The following DRD2 variants were observed in gnomAD, a reference collection of about 807,000 sequenced individuals.
DRD2 encodes the protein dopamine receptor D2.
A neutral mutation model predicts 38.0 loss-of-function variants in DRD2; 8 were observed. The ratio of observed to expected loss-of-function variants is 0.21; its 90% confidence interval spans 0.12 to 0.38. The LOEUF is 0.38. Among genes scored for constraint, DRD2 ranks in the 10% least tolerant of loss-of-function variants. The pLI is 1.00. For missense variants in DRD2, 403 were observed against 607.7 expected, an observed-to-expected ratio of 0.66 and a Z score of 3.54; for synonymous variants, 230 against 238.6, an observed-to-expected ratio of 0.96 and a Z score of 0.33.
intron 7 of DRD2, chr11:113,412,226 A>G: frequency 2.4e-6 from 1 of 411,178 alleles, no homozygotes; most frequent in Non-Finnish European, 4.5e-6. Flanking sequence ...AGAGAGAGAA[A>G]GTGACTTTCC....
intron 1 of DRD2, among the ~76,000 whole-genome samples, chr11:113,436,632 A>G (rs1004275623): frequency 3.3e-5 from 5 of 152,230 alleles, no homozygotes; most frequent in African/African-American, 1.2e-4. Context: ...GGGTAGAAGC[A>G]TAGATGGAAG....
At chr11:113,464,639 G>A (rs567359956) in intron 1 of DRD2, among the ~76,000 whole-genome samples, 29 of 152,274 alleles carry the variant, frequency 1.9e-4, no homozygotes, top group African/African-American at 6.0e-4. Context: ...CACTGACATC[G>A]CCAGGGGTGT....
At chr11:113,411,160 A>G (rs1203626191) in intron 7 of DRD2, among the ~76,000 whole-genome samples, 1 of 151,678 alleles carries the variant, frequency 6.6e-6, no homozygotes, top group Non-Finnish European at 1.5e-5. Flanking sequence ...CTCCTAGAAA[A>G]GGGTACATGG....
At chr11:113,456,857 T>C (rs1432185178) in intron 1 of DRD2, among the ~76,000 whole-genome samples, 1 of 152,210 alleles carries the variant, frequency 6.6e-6, no homozygotes, top group Admixed American at 6.5e-5. Context: ...ATTATCAAAC[T>C]GTACACGTCA....
chr11:113,466,401 C>G (rs1459112315), intron 1 of DRD2, among the ~76,000 whole-genome samples: 1 of 149,054 alleles, frequency 6.7e-6, no homozygotes, highest in Non-Finnish European at 1.5e-5. Context: ...TGAACAAACA[C>G]ACCTGTGTAT....
At chr11:113,417,104 GAC>G (rs1950835148) in intron 3 of DRD2, 105 bp from the exon 4 acceptor site, 1 of 1,474,468 alleles carries the variant, frequency 6.8e-7, no homozygotes, top group African/African-American at 1.4e-5. Flanking sequence ...CTAAACAGTT[GAC>G]ACACCTCTAT....
chr11:113,460,638 T>C (rs948272116), intron 1 of DRD2, among the ~76,000 whole-genome samples: 1 of 152,222 alleles, frequency 6.6e-6, no homozygotes, highest in Non-Finnish European at 1.5e-5. Flanking sequence ...CAGAGGCACA[T>C]GGACACTGCT....
intron 1 of DRD2, among the ~76,000 whole-genome samples, chr11:113,452,133 G>GTACT (rs1951215415): frequency 6.6e-6 from 1 of 152,072 alleles, no homozygotes; most frequent in Non-Finnish European, 1.5e-5. Flanking sequence ...TGTGGTTGTA[G>GTACT]TACTTACTGC....
chr11:113,438,170 G>T (rs1227003058), intron 1 of DRD2, among the ~76,000 whole-genome samples: 3 of 152,094 alleles, frequency 2.0e-5, no homozygotes, highest in Non-Finnish European at 2.9e-5. Context: ...TGAAGAAGGT[G>T]TGTCAATGCG....
In DRD2 at chr11:113,425,841, A is replaced by C. The variant is rs139759642; in HGVS notation, c.-31-1159T>G. On this transcript the variant is annotated intron_variant, in intron 1 of 7. Transcript: ENST00000362072. ...CAGACAGACAATATGACATGGTATCAAATCATCAAACAGCAAACAATTCTG... is the reference window on the plus strand; with the variant it reads ...CAGACAGACAATATGACATGGTATCCAATCATCAAACAGCAAACAATTCTG... Among the ~76,000 whole-genome samples, 463 of 152,328 alleles carry C rather than the reference A, an allele frequency of 3.0e-3. 1 individual carries two copies. Among genetic ancestry groups the C allele is most frequent in the African/African-American group, 1.0e-2 (415 of 41,574 alleles).
At chr11:113,468,539 TTTTG>T (rs780064307) in intron 1 of DRD2, among the ~76,000 whole-genome samples, 17 of 151,996 alleles carry the variant, frequency 1.1e-4, no homozygotes, top group African/African-American at 3.6e-4. Context: ...TTTTTTTGTT[TTTTG>T]TTTGTTTGTT....
chr11:113,448,165 T>C (rs780864345), intron 1 of DRD2, among the ~76,000 whole-genome samples: 13 of 152,102 alleles, frequency 8.5e-5, no homozygotes, highest in Non-Finnish European at 1.9e-4. Flanking sequence ...CCAGAGATAA[T>C]GAGCTCCGAG....
intron 1 of DRD2, among the ~76,000 whole-genome samples, chr11:113,452,469 T>TGTGTGTGTGTGTGTGTGTGC (rs1210531875): frequency 6.7e-5 from 8 of 118,836 alleles, no homozygotes; most frequent in African/African-American, 2.9e-4. Context: ...TGTGTGTGTG[T>TGTGTGTGTGTGTGTGTGTGC]GCGCGCGCGC....
At chr11:113,412,181 C>T (rs1950775530) in intron 7 of DRD2, 2 of 304,860 alleles carry the variant, frequency 6.6e-6, no homozygotes, top group South Asian at 8.5e-5. Flanking sequence ...CCATGACAGC[C>T]CTGAGAAGTA....
chr11:113,414,236 T>A, intron 6 of DRD2, 139 bp downstream of exon 6: 1 of 815,374 alleles, frequency 1.2e-6, no homozygotes, highest in Admixed American at 1.7e-5. Flanking sequence ...GCACGGTGAG[T>A]CTGCCTTCAG....
intron 1 of DRD2, among the ~76,000 whole-genome samples, chr11:113,439,638 G>A (rs773955744): frequency 3.3e-5 from 5 of 151,558 alleles, no homozygotes; most frequent in Admixed American, 6.6e-5. Flanking sequence ...TCAGGAGTTC[G>A]AGACCAGCCT....
chr11:113,449,441 C>T (rs758488630), intron 1 of DRD2, among the ~76,000 whole-genome samples: 18 of 152,114 alleles, frequency 1.2e-4, no homozygotes, highest in African/African-American at 2.4e-4. Context: ...GCATTCATGA[C>T]GTTTGGACAT....
chr11:113,430,190 C>A (rs749325723), intron 1 of DRD2, among the ~76,000 whole-genome samples: 7 of 152,200 alleles, frequency 4.6e-5, no homozygotes, highest in African/African-American at 7.2e-5. Flanking sequence ...AAAGACAAAG[C>A]CTGTCCCTGG....
At chr11:113,417,998 G>A in intron 3 of DRD2, 29 bp downstream of exon 3, 2 of 1,595,384 alleles carry the variant, frequency 1.3e-6, no homozygotes, top group East Asian at 2.2e-5. Context: ...AGTGGCCAGA[G>A]CAACCTCTTC....
Sources: allele counts gnomAD v4.1 joint callset (sites outside exome capture counted in the v4.1 genomes callset), GRCh38; gene constraint gnomAD v4.1.1; transcripts MANE v1.5; gene names NCBI Gene and HGNC (gene_info 2026-07-23, HGNC 2026-07-21).